The following DPP10 variants were observed in gnomAD, a reference collection of about 807,000 sequenced individuals.
DPP10 encodes dipeptidyl peptidase like 10, also known as inactive dipeptidyl peptidase 10.
Under a neutral mutation model 120.9 loss-of-function variants are expected in DPP10, and 33 were observed. The observed-to-expected ratio is 0.27, with a 90% CI of 0.21 to 0.37. DPP10 has a LOEUF of 0.37. Ranked by LOEUF, DPP10 falls within the 10% of genes least tolerant of loss-of-function variation. DPP10 has a pLI of 1.00. For missense variants in DPP10, 816 were observed against 942.8 expected (o/e 0.87, Z 1.76); for synonymous variants, 337 against 326.1 (o/e 1.03, Z -0.36).
intron 1 of DPP10, among the ~76,000 whole-genome samples, chr2:114,703,813 T>A (rs1293718159): frequency 6.6e-6 from 1 of 152,154 alleles, no homozygotes; most frequent in Non-Finnish European, 1.5e-5. Flanking sequence ...CAATTCTCAA[T>A]CTTCATTATT....
chr2:114,661,679 T>C (rs1236882964), intron 1 of DPP10, among the ~76,000 whole-genome samples: 1 of 152,120 alleles, frequency 6.6e-6, no homozygotes, highest in Non-Finnish European at 1.5e-5. Context: ...GCTGCCCCAA[T>C]CTTTAGCTGA....
At chr2:115,502,701 TG>T (rs2148801849) in intron 4 of DPP10, among the ~76,000 whole-genome samples, 1 of 152,236 alleles carries the variant, frequency 6.6e-6, no homozygotes, top group South Asian at 2.1e-4. Context: ...GTATCTTTTT[TG>T]TTTTTTAAGA....
In DPP10 at chr2:115,104,170, C is replaced by CTTT. The variant is rs35125894; in HGVS notation, c.61-205047_61-205045dup. Among the ~76,000 whole-genome samples, 245 of 84,662 alleles carry CTTT rather than the reference C, an allele frequency of 2.9e-3. 2 individuals are homozygous for CTTT. Among genetic ancestry groups the CTTT allele is most frequent in the Middle Eastern group, 0.012 (1 of 82 alleles). The allele number at this position is 84,662 out of a possible 152,430, so 55.5% of individuals were successfully genotyped here. ...TTTGGAGCATGTCAAATACATATGT[C>CTTT]TTTTTTTTTTTTTTTTTTTTTTTTG... On this transcript the variant is annotated intron_variant, in intron 1 of 25. Coordinates refer to ENST00000410059, the MANE Select transcript of DPP10 (RefSeq NM_020868.6).
At chr2:114,916,757 T>G (rs931801649) in intron 1 of DPP10, among the ~76,000 whole-genome samples, 1 of 152,180 alleles carries the variant, frequency 6.6e-6, no homozygotes, top group African/African-American at 2.4e-5. Flanking sequence ...AGGCTTTTGA[T>G]TAACATTCCA....
chr2:114,701,349 C>A (rs571633985), intron 1 of DPP10, among the ~76,000 whole-genome samples: 8 of 152,156 alleles, frequency 5.3e-5, no homozygotes, highest in Admixed American at 3.9e-4. Flanking sequence ...AGAGTATGTA[C>A]ATCATCCATG....
intron 5 of DPP10, among the ~76,000 whole-genome samples, chr2:115,532,478 A>C (rs1311432605): frequency 6.6e-6 from 1 of 152,082 alleles, no homozygotes; most frequent in Non-Finnish European, 1.5e-5. Context: ...TAATTAATTA[A>C]TTGGAAGGCA....
At chr2:115,787,040 A>G (rs1312908740) in intron 17 of DPP10, among the ~76,000 whole-genome samples, 2 of 152,202 alleles carry the variant, frequency 1.3e-5, no homozygotes, top group East Asian at 3.9e-4. Context: ...TGCCTTTTGT[A>G]GTGCTAAACT....
At chr2:114,924,146 C>G (rs1695417681) in intron 1 of DPP10, among the ~76,000 whole-genome samples, 1 of 152,202 alleles carries the variant, frequency 6.6e-6, no homozygotes, top group African/African-American at 2.4e-5. Flanking sequence ...TTAGCTGGAA[C>G]TGCCATGTGT....
At chr2:115,779,838 A>G (rs1419485199) in intron 15 of DPP10, among the ~76,000 whole-genome samples, 1 of 152,072 alleles carries the variant, frequency 6.6e-6, no homozygotes, top group Non-Finnish European at 1.5e-5. Context: ...TGAAACTAAT[A>G]TGATTTGTGC....
intron 1 of DPP10, among the ~76,000 whole-genome samples, chr2:114,455,369 AC>A (rs1349822570): frequency 6.6e-6 from 1 of 152,124 alleles, no homozygotes; most frequent in East Asian, 1.9e-4. Flanking sequence ...ACATAGTGAA[AC>A]CCTGTCTCTA....
chr2:115,704,901 A>G (rs1440697054), intron 7 of DPP10, among the ~76,000 whole-genome samples: 2 of 151,978 alleles, frequency 1.3e-5, no homozygotes, highest in African/African-American at 4.8e-5. Context: ...GTGTATTTCT[A>G]AAGGTTTCTT....
chr2:115,651,124 G>C (rs972359456), intron 5 of DPP10, among the ~76,000 whole-genome samples: 2 of 151,986 alleles, frequency 1.3e-5, no homozygotes, highest in Non-Finnish European at 2.9e-5. Flanking sequence ...TCTGAGTCTT[G>C]CTGTCTCTGT....
chr2:115,432,313 G>T (rs930845042), intron 3 of DPP10, among the ~76,000 whole-genome samples: 2 of 152,022 alleles, frequency 1.3e-5, no homozygotes, highest in African/African-American at 4.8e-5. Context: ...AAAGAAAGAC[G>T]ATGCAATTTA....
chr2:115,458,633 G>T (rs984060428), intron 3 of DPP10, among the ~76,000 whole-genome samples: 4 of 151,848 alleles, frequency 2.6e-5, no homozygotes, highest in African/African-American at 9.7e-5. Flanking sequence ...TGAGTTTGTG[G>T]ATATATATAC....
At chr2:115,129,288 C>A (rs2050224532) in intron 1 of DPP10, among the ~76,000 whole-genome samples, 1 of 152,126 alleles carries the variant, frequency 6.6e-6, no homozygotes, top group African/African-American at 2.4e-5. Context: ...GATGATAATG[C>A]ATTCCAATAT....
At position 115,485,431 on chromosome 2, in the gene DPP10, A is replaced by G. The variant is rs78444236; in HGVS notation, c.272-14079A>G. 5.5e-4 allele frequency among the ~76,000 whole-genome samples: 83 copies of G among 152,140 alleles called. 3 individuals carry two copies. The East Asian group carries it at 0.015, about 27-fold the overall frequency. On this transcript the variant is annotated intron_variant, in intron 3 of 25. Transcript: ENST00000410059. ...TATTTCTTTGTAAGTATTTTCATAT[A>G]TTTTATATTCGTGCCCTTCATTCTT... is the stretch of plus-strand genomic sequence containing the variant.
intron 1 of DPP10, among the ~76,000 whole-genome samples, chr2:115,126,286 T>C (rs770576724): frequency 2.0e-5 from 3 of 151,976 alleles, no homozygotes; most frequent in Non-Finnish European, 4.4e-5. Context: ...TTTTTTTGTA[T>C]AGACAGGATT....
chr2:114,812,565 G>A (rs940687047), intron 1 of DPP10, among the ~76,000 whole-genome samples: 2 of 144,534 alleles, frequency 1.4e-5, no homozygotes, highest in African/African-American at 2.6e-5. Context: ...TCCAGCCTGG[G>A]CAACAGGGTG....
At chr2:115,821,951 C>G (rs1289906688) in intron 21 of DPP10, among the ~76,000 whole-genome samples, 1 of 151,882 alleles carries the variant, frequency 6.6e-6, no homozygotes, top group African/African-American at 2.4e-5. Flanking sequence ...TTTCCATACT[C>G]TTTTGAAAGT....
Sources: gnomAD v4.1 joint callset for allele counts (sites outside exome capture counted in the v4.1 genomes callset) on GRCh38, gnomAD v4.1.1 for gene constraint, MANE v1.5 for transcripts, NCBI Gene and HGNC (gene_info 2026-07-23, HGNC 2026-07-21) for gene names.